BACH2: variants seen among roughly 807,000 people sequenced by gnomAD.
BACH2 encodes the protein BACH transcriptional regulator 2.
Under a neutral mutation model 61.8 loss-of-function variants are expected in BACH2, and 5 were observed. The observed-to-expected ratio is 0.08, with a 90% CI of 0.04 to 0.17. The LOEUF is 0.17. Ranked by LOEUF, BACH2 falls within the 10% of genes least tolerant of loss-of-function variation. BACH2 has a pLI of 1.00. For missense variants in BACH2, 824 were observed against 1,091.1 expected (o/e 0.76, Z 3.45); for synonymous variants, 446 against 440.1 (o/e 1.01, Z -0.17).
intron 4 of BACH2, among the ~76,000 whole-genome samples, chr6:90,176,789 C>T (rs997988093): frequency 2.6e-5 from 4 of 152,156 alleles, no homozygotes; most frequent in African/African-American, 9.7e-5. Flanking sequence ...CCTGCCTCCT[C>T]CAGTTCATGC....
At chr6:90,247,894 A>G (rs747154665) in intron 3 of BACH2, among the ~76,000 whole-genome samples, 13 of 152,182 alleles carry the variant, frequency 8.5e-5, no homozygotes, top group Non-Finnish European at 1.8e-4. Flanking sequence ...ATCAGACAGC[A>G]TTTCTTAATC....
At chr6:90,039,832 T>C (rs1381051467) in intron 5 of BACH2, among the ~76,000 whole-genome samples, 1 of 152,214 alleles carries the variant, frequency 6.6e-6, no homozygotes, top group Non-Finnish European at 1.5e-5. Context: ...TAAATGACAC[T>C]GATATATTTC....
intron 5 of BACH2, among the ~76,000 whole-genome samples, chr6:90,049,961 T>G (rs1267899801): frequency 6.6e-6 from 1 of 152,184 alleles, no homozygotes; most frequent in African/African-American, 2.4e-5. Context: ...TTGGGAGACA[T>G]TTTCTTGAAA....
intron 5 of BACH2, among the ~76,000 whole-genome samples, chr6:90,038,473 T>C (rs1208435133): frequency 6.6e-6 from 1 of 152,244 alleles, no homozygotes; most frequent in Non-Finnish European, 1.5e-5. Flanking sequence ...CATGTTGTTG[T>C]GTATAAGAGT....
intron 7 of BACH2, among the ~76,000 whole-genome samples, chr6:89,949,846 A>G (rs572335372): frequency 6.6e-6 from 1 of 152,218 alleles, no homozygotes; most frequent in Non-Finnish European, 1.5e-5. Context: ...CAATCAATCA[A>G]TCTGGAAAGA....
At chr6:90,030,820 T>TGAAA (rs1778936147) in intron 5 of BACH2, among the ~76,000 whole-genome samples, 1 of 151,598 alleles carries the variant, frequency 6.6e-6, no homozygotes, top group Non-Finnish European at 1.5e-5. Flanking sequence ...TTCCAATCAA[T>TGAAA]AGAAAAAGAG....
At chr6:90,295,925 G>C (rs1772349728) in intron 1 of BACH2, among the ~76,000 whole-genome samples, 4 of 152,248 alleles carry the variant, frequency 2.6e-5, no homozygotes, top group Admixed American at 6.5e-5. Flanking sequence ...GCGGCTGACA[G>C]CTGAGCGCAA....
intron 4 of BACH2, among the ~76,000 whole-genome samples, chr6:90,156,247 T>TAA (rs1784992797): frequency 6.6e-6 from 1 of 152,202 alleles, no homozygotes; most frequent in East Asian, 1.9e-4. Context: ...TTAATACTTT[T>TAA]GTATAGCACT....
intron 6 of BACH2, among the ~76,000 whole-genome samples, chr6:89,987,004 G>A (rs948232526): frequency 6.6e-6 from 1 of 152,140 alleles, no homozygotes; most frequent in Non-Finnish European, 1.5e-5. Flanking sequence ...AGAAGTGTCT[G>A]GTGATGTGAC....
At chr6:90,060,190 TA>T (rs202132019) in intron 5 of BACH2, among the ~76,000 whole-genome samples, 14 of 150,380 alleles carry the variant, frequency 9.3e-5, no homozygotes, top group South Asian at 2.1e-4. Flanking sequence ...ACTCTTCACT[TA>T]AAAAAAAAGA....
chr6:90,021,166 T>A (rs1445960123), intron 5 of BACH2, among the ~76,000 whole-genome samples: 1 of 152,150 alleles, frequency 6.6e-6, no homozygotes, highest in Non-Finnish European at 1.5e-5. Flanking sequence ...CAACTCTTAT[T>A]ACTCGAAGGT....
chr6:90,132,450 G>C (rs1468905277), intron 4 of BACH2, among the ~76,000 whole-genome samples: 3 of 152,240 alleles, frequency 2.0e-5, no homozygotes, highest in Non-Finnish European at 2.9e-5. Context: ...TGGAGCCTCA[G>C]GGTCTTCTCT....
intron 4 of BACH2, among the ~76,000 whole-genome samples, chr6:90,193,089 A>T (rs62408211): frequency 0.24 from 36,361 of 152,234 alleles, 5,712 homozygotes; most frequent in Non-Finnish European, 0.35. Context: ...ACTAGTGCTC[A>T]ACAAAGGAAT....
At chr6:90,072,586 G>A (rs901502817) in intron 5 of BACH2, among the ~76,000 whole-genome samples, 4 of 152,088 alleles carry the variant, frequency 2.6e-5, no homozygotes, top group Admixed American at 6.5e-5. Context: ...GATAATTCAC[G>A]CATCTGTTAT....
intron 4 of BACH2, among the ~76,000 whole-genome samples, chr6:90,111,407 C>T (rs759319610): frequency 6.6e-6 from 1 of 152,230 alleles, no homozygotes; most frequent in African/African-American, 2.4e-5. Context: ...CTTAAAACTC[C>T]CACTTCAGAT....
Position 90,008,845 on chromosome 6 carries a change from G to A in BACH2, c.-1C>T. On this transcript the variant is annotated 5_prime_UTR_variant, in exon 6 of 9. Transcript: ENST00000257749. This position sits in a 1 kb window ranked among gnomAD's most constrained non-coding sequence, Gnocchi z 4.1. ...AGTCAGGCTTCTCATCCACAGACAT[G>A]CCGTTCACACCCTGAAAGAAAGAAA... 6.2e-7 allele frequency: 1 copy of A among 1,613,860 alleles called. No homozygotes were observed.
intron 3 of BACH2, among the ~76,000 whole-genome samples, chr6:90,222,820 C>T (rs1191562848): frequency 6.6e-6 from 1 of 152,138 alleles, no homozygotes. Flanking sequence ...GTCACCTGCT[C>T]TGTCCTTAGT....
intron 6 of BACH2, among the ~76,000 whole-genome samples, chr6:89,963,415 T>G (rs771336842): frequency 5.3e-5 from 8 of 152,136 alleles, no homozygotes; most frequent in Non-Finnish European, 7.4e-5. Context: ...CATCTCAGTT[T>G]CCCAAGTAGC....
intron 5 of BACH2, among the ~76,000 whole-genome samples, chr6:90,048,775 C>G (rs1393924351): frequency 1.3e-5 from 2 of 152,194 alleles, no homozygotes; most frequent in African/African-American, 4.8e-5. Context: ...CCTTGGCACT[C>G]TGAGCAATAA....
Sources: allele counts gnomAD v4.1 joint callset (sites outside exome capture counted in the v4.1 genomes callset), GRCh38; gene constraint gnomAD v4.1.1; non-coding constraint Gnocchi (gnomAD v3.1); transcripts MANE v1.5; gene names NCBI Gene and HGNC (gene_info 2026-07-23, HGNC 2026-07-21).